Variants in SLC14A1 observed in about 807,000 individuals in gnomAD.
SLC14A1 encodes urea transporter 1.
In SLC14A1, 36 loss-of-function variants were observed where a neutral mutation model predicts 39.6. The observed-to-expected ratio is 0.91, with a 90% CI of 0.70 to 1.20. SLC14A1 has a LOEUF of 1.20. Among genes scored for constraint, SLC14A1 ranks in the 50% most tolerant of loss-of-function variants. The pLI is 0.00. For synonymous variants in SLC14A1, 164 were observed against 173.6 expected (o/e 0.94, Z 0.43); for missense variants, 469 against 478.7 (o/e 0.98, Z 0.19).
chr18:45,727,212 G>T, intron 2 of SLC14A1: 3 of 1,530,358 alleles, frequency 2.0e-6, no homozygotes, highest in Non-Finnish European at 2.7e-6. Flanking sequence ...TAGAGCTAGG[G>T]CACACGTCAT....
chr18:45,725,335 G>T (rs1189674800), intron 2 of SLC14A1, among the ~76,000 whole-genome samples: 1 of 152,168 alleles, frequency 6.6e-6, no homozygotes, highest in East Asian at 1.9e-4. Flanking sequence ...TTTGACTTCT[G>T]CTGGAAAGCT....
intron 2 of SLC14A1, chr18:45,727,318 G>T: frequency 6.4e-7 from 1 of 1,551,530 alleles, no homozygotes; most frequent in South Asian, 1.2e-5. Context: ...GCCCGTCATG[G>T]TCCTGTTTGG....
chr18:45,729,132 T>C (rs191561213), intron 2 of SLC14A1: 4 of 152,342 alleles, frequency 2.6e-5, no homozygotes, highest in Admixed American at 6.5e-5. Context: ...GGTTTCTCTA[T>C]GTGGGCTTTC....
chr18:45,747,503 A>G (rs1335928965), intron 8 of SLC14A1, among the ~76,000 whole-genome samples: 2 of 150,616 alleles, frequency 1.3e-5, no homozygotes, highest in East Asian at 2.0e-4. Context: ...CCTGGTTAAC[A>G]TGGTGAAACC....
chr18:45,725,469 C>T, intron 2 of SLC14A1, among the ~76,000 whole-genome samples: 1 of 152,276 alleles, frequency 6.6e-6, no homozygotes, highest in African/African-American at 2.4e-5. Flanking sequence ...CTGCTTCTGG[C>T]AAGGGCATAG....
At chr18:45,736,040 T>C (rs1041697253) in intron 5 of SLC14A1, among the ~76,000 whole-genome samples, 3 of 152,192 alleles carry the variant, frequency 2.0e-5, no homozygotes, top group African/African-American at 7.2e-5. Flanking sequence ...AAAATAGGTA[T>C]ATTAAAGAAA....
chr18:45,730,313 A>G lies in SLC14A1; in HGVS notation c.-8A>G. ...CCTTCCCTCAAGGAGCCAGAGGAAG[A>G]GATAGCCATGGAGGACAGCCCCACT... On this transcript the variant is annotated 5_prime_UTR_variant, in exon 3 of 10. Transcript: ENST00000321925. The G allele has an allele frequency of 6.2e-7, 1 of 1,612,678 alleles. No homozygotes were observed. The highest frequency in any genetic ancestry group is 8.5e-7 in the Non-Finnish European group (1 of 1,178,924).
chr18:45,740,949 C>CAG (rs1302000088), intron 8 of SLC14A1: 1 of 152,244 alleles, frequency 6.6e-6, no homozygotes, highest in Non-Finnish European at 1.5e-5. Context: ...TAGCCAGACT[C>CAG]AGCCTGTCAG....
intron 8 of SLC14A1, among the ~76,000 whole-genome samples, chr18:45,744,323 G>C (rs903551811): frequency 6.6e-6 from 1 of 152,202 alleles, no homozygotes; most frequent in African/African-American, 2.4e-5. Context: ...GGTTTGCAAA[G>C]AGAGTTTTGT....
In SLC14A1 at chr18:45,739,275, A is replaced by G; in HGVS notation, c.776A>G (p.His259Arg). The change falls in exon 7 of 10, where the codon CAT becomes CGT. Residue 259 changes from histidine (H) to arginine (R), a missense_variant. Coordinates refer to ENST00000321925, the MANE Select transcript of SLC14A1 (RefSeq NM_015865.7). ...ILLSSPLMCLHAAIGSLLGIA... is the reference protein window; with the variant it reads ...ILLSSPLMCLRAAIGSLLGIA... ...CTCTCCTCCCCACTCATGTGCCTGC[A>G]TGCTGCCATAGGATCATTGCTGGGC... is the stretch of plus-strand genomic sequence containing the variant. The G allele has an allele frequency of 6.2e-7, 1 of 1,614,172 alleles. No homozygotes were observed. Among genetic ancestry groups the G allele is most frequent in the Non-Finnish European group, 8.5e-7 (1 of 1,180,022 alleles).
At position 45,734,343 on chromosome 18, in the gene SLC14A1, G is replaced by A. The variant is rs145134908; in HGVS notation, c.411G>A (p.Ser137=). Residue 137 remains serine (S), a synonymous_variant, in exon 5 of 10, where the codon TCG becomes TCA. Transcript: ENST00000321925. ...TGGGAGTACTCATGGCTGTCTTTTCGGACAAGGGAGACTATTTCTGGTGGC... is the reference window on the plus strand; with the variant it reads ...TGGGAGTACTCATGGCTGTCTTTTCAGACAAGGGAGACTATTTCTGGTGGC... The part of the protein sequence containing the change: ...TLVGVLMAVF[S]DKGDYFWWLL... The A allele has an allele frequency of 2.9e-5, 46 of 1,613,764 alleles. No homozygotes were observed. Among genetic ancestry groups the A allele is most frequent in the African/African-American group, 1.3e-4 (10 of 74,850 alleles).
chr18:45,730,879 T>C, intron 3 of SLC14A1, 136 bp from the exon 4 acceptor site: 2 of 804,524 alleles, frequency 2.5e-6, no homozygotes, highest in Non-Finnish European at 4.2e-6. Flanking sequence ...AACAATGGGT[T>C]GAGAGAGAAA....
At chr18:45,748,717 A>C (rs2047625566) in intron 9 of SLC14A1, among the ~76,000 whole-genome samples, 1 of 152,262 alleles carries the variant, frequency 6.6e-6, no homozygotes, top group African/African-American at 2.4e-5. Context: ...TCTAAGTGAT[A>C]AGAAGTAGAC....
rs945993541 is a variant in SLC14A1, at chr18:45,750,552, A to G, written c.*601A>G. ...GTGTGTGACATTCTCTCATGGGACA[A>G]TGTTGGGGTTTTTCAGACTGACAGG... On this transcript the variant is annotated 3_prime_UTR_variant, in exon 10 of 10. Coordinates refer to ENST00000321925, the MANE Select transcript of SLC14A1 (RefSeq NM_015865.7). The G allele has an allele frequency of 6.1e-6, 6 of 987,898 alleles. No homozygotes were observed. In the African/African-American group the frequency reaches 1.0e-4, roughly 17 times the overall value. The allele number at this position is 987,898 out of a possible 1,614,324, so 61.2% of individuals were successfully genotyped here.
At chr18:45,727,195 T>G in intron 2 of SLC14A1, 1 of 1,477,798 alleles carries the variant, frequency 6.8e-7, no homozygotes, top group Non-Finnish European at 9.2e-7. Context: ...GCCTTTTGCG[T>G]GGTCATTAGA....
chr18:45,749,055 G>C (rs1007694784), intron 9 of SLC14A1, among the ~76,000 whole-genome samples: 1 of 152,176 alleles, frequency 6.6e-6, no homozygotes, highest in Non-Finnish European at 1.5e-5. Context: ...ACCAGAGTCA[G>C]CTAGGAAGAC....
intron 2 of SLC14A1, chr18:45,727,421 A>G (rs2046899132): frequency 6.5e-7 from 1 of 1,539,460 alleles, no homozygotes; most frequent in Admixed American, 2.0e-5. Flanking sequence ...AGGAACAGGT[A>G]TGCTTCCTTC....
chr18:45,744,017 A>ACT (rs1282925334), intron 8 of SLC14A1, among the ~76,000 whole-genome samples: 2 of 49,734 alleles, frequency 4.0e-5, no homozygotes, highest in African/African-American at 1.6e-4. Context: ...AACCTTCTGT[A>ACT]CTTTTTTTTT....
At chr18:45,735,495 T>C (rs1242415040) in intron 5 of SLC14A1, among the ~76,000 whole-genome samples, 1 of 152,236 alleles carries the variant, frequency 6.6e-6, no homozygotes. Flanking sequence ...AAACTAGTTT[T>C]TATGTTGACA....
Sources: allele counts gnomAD v4.1 joint callset (sites outside exome capture counted in the v4.1 genomes callset), GRCh38; gene constraint gnomAD v4.1.1; transcripts MANE v1.5; gene names NCBI Gene and HGNC (gene_info 2026-07-23, HGNC 2026-07-21).